ESPNL: variants seen among roughly 807,000 people sequenced by gnomAD.
The protein encoded by ESPNL is espin-like protein.
Under a neutral mutation model 46.8 loss-of-function variants are expected in ESPNL, and 49 were observed. That is an observed-to-expected ratio of 1.05 (90% CI 0.83 to 1.33). ESPNL has a LOEUF of 1.33. ESPNL is among the 40% of genes most tolerant of loss of function. ESPNL has a pLI of 0.00. For missense variants in ESPNL, 1,540 were observed against 1,436.6 expected (o/e 1.07, Z -1.16); for synonymous variants, 664 against 662.1 (o/e 1.00, Z -0.04).
chr2:238,116,751 C>T (rs775097910), intron 4 of ESPNL, 152 bp from the exon 5 acceptor site: 13 of 1,012,770 alleles, frequency 1.3e-5, no homozygotes, highest in Non-Finnish European at 1.9e-5. Context: ...AGGTCTCTGG[C>T]ACCCCACGGC....
At chr2:238,129,565 A>C (rs1361355325) in intron 8 of ESPNL, among the ~76,000 whole-genome samples, 1 of 152,204 alleles carries the variant, frequency 6.6e-6, no homozygotes, top group East Asian at 1.9e-4. Context: ...ATCTGAGCAG[A>C]GAAGGGCTGT....
chr2:238,112,417 G>A lies in ESPNL; in HGVS notation c.855+4444G>A, dbSNP rs1691732917. Among the ~76,000 whole-genome samples the A allele has an allele frequency of 4.0e-5, 6 of 151,660 alleles. No homozygotes were observed. In the South Asian group the frequency reaches 8.3e-4, roughly 21 times the overall value. On this transcript the variant is annotated intron_variant, in intron 4 of 8. Transcript: ENST00000343063. The stretch of plus-strand genomic sequence containing the variant: ...TGTGTTTCTTTTTTTGTCTCAATCA[G>A]CCTCACTAGATGTTAGTCAGTAGTT...
At chr2:238,123,620 C>T (rs1692035350) in intron 5 of ESPNL, among the ~76,000 whole-genome samples, 1 of 152,206 alleles carries the variant, frequency 6.6e-6, no homozygotes, top group Non-Finnish European at 1.5e-5. Flanking sequence ...CACCTGACAC[C>T]TCGGCCTTCA....
At chr2:238,112,333 T>C (rs1166235171) in intron 4 of ESPNL, among the ~76,000 whole-genome samples, 1 of 152,134 alleles carries the variant, frequency 6.6e-6, no homozygotes, top group African/African-American at 2.4e-5. Flanking sequence ...ATCCTCATGA[T>C]CCTTTATTGT....
At position 238,107,987 on chromosome 2, in the gene ESPNL, G is replaced by A; in HGVS notation, c.855+14G>A. 1 of 1,602,054 alleles carries A rather than the reference G, an allele frequency of 6.2e-7. No individual in the cohort carries two copies. Among genetic ancestry groups the A allele is most frequent in the South Asian group, 1.1e-5 (1 of 89,410 alleles). On this transcript the variant is annotated intron_variant, in intron 4 of 8. Coordinates refer to ENST00000343063, the MANE Select transcript of ESPNL (RefSeq NM_194312.4). ...GGGCAGATGGAGGTAAGGTGGGCGT[G>A]AGGGAGACAGGGTGAGCAGTCACAA...
At chr2:238,121,656 C>A (rs186797054) in intron 5 of ESPNL, among the ~76,000 whole-genome samples, 38 of 152,362 alleles carry the variant, frequency 2.5e-4, no homozygotes, top group Non-Finnish European at 4.7e-4. Context: ...CCTCTGCCTC[C>A]CAAAGTGCTG....
chr2:238,118,236 G>A (rs531182498), intron 5 of ESPNL, among the ~76,000 whole-genome samples: 63 of 140,568 alleles, frequency 4.5e-4, no homozygotes, highest in African/African-American at 1.6e-3. Flanking sequence ...ATGGAGGAGG[G>A]TGGATGGAGG....
Position 238,131,513 on chromosome 2 carries a change from C to G in ESPNL, c.2799C>G (p.Pro933=), listed in dbSNP as rs138171057. ...GCTTCTTTGGCTCCAGCCAGCGTCC[C>G]GCCTGGGATACGGAGCCTGGCCGCA... is the stretch of plus-strand genomic sequence containing the variant. The part of the protein sequence containing the change: ...KARFFGSSQR[P]AWDTEPGRKS... The change falls in exon 9 of 9, where the codon CCC becomes CCG. Residue 933 remains proline (P), a synonymous_variant. Coordinates refer to ENST00000343063, the MANE Select transcript of ESPNL (RefSeq NM_194312.4). 6.2e-7 allele frequency: 1 copy of G among 1,611,490 alleles called. No individual in the cohort carries two copies. Among genetic ancestry groups the G allele is most frequent in the Admixed American group, 1.7e-5 (1 of 59,912 alleles).
In ESPNL at chr2:238,100,522, C is replaced by CT. The variant is rs1559256344; in HGVS notation, c.104dup (p.Ala37GlyfsTer40). Reference sequence around the variant, plus strand: ...CCTGGGCCCGGGCATCACCGATGCTCTGGGGGCCGGCCTGGTTCACCACGC... The same window carrying CT: ...CCTGGGCCCGGGCATCACCGATGCTCTTGGGGGCCGGCCTGGTTCACCACGC... On this transcript the variant is annotated frameshift_variant, in exon 1 of 9. Transcript: ENST00000343063. LOFTEE classifies it high-confidence loss of function. The CT allele has an allele frequency of 6.3e-7, 1 of 1,596,486 alleles. No individual in the cohort carries two copies. The highest frequency in any genetic ancestry group is 2.3e-5 in the East Asian group (1 of 44,196).
intron 5 of ESPNL, among the ~76,000 whole-genome samples, chr2:238,118,790 AG>A (rs1691896200): frequency 2.4e-5 from 1 of 41,876 alleles, no homozygotes; most frequent in Admixed American, 2.1e-4. Flanking sequence ...GAGATGGAGG[AG>A]GGTGGATGGA....
In ESPNL at chr2:238,130,726, C is replaced by T. The variant is rs531038455; in HGVS notation, c.2012C>T (p.Pro671Leu). 3 of 1,565,928 alleles carry T rather than the reference C, an allele frequency of 1.9e-6. No individual in the cohort carries two copies. The African/African-American group carries it at 4.0e-5, about 21-fold the overall frequency. Residue 671 changes from proline to leucine, a missense_variant, in exon 9 of 9, where the codon CCT becomes CTT. Physicochemically the swap from Pro to Leu is moderately conservative, Grantham distance 98 (BLOSUM62 -3). Transcript: ENST00000343063. ...TCTGGCCCACTCTGTGGCTTCAACC[C>T]TGGCCCCTGCGAGCCGGGGGCCCAG... ...SASGPLCGFN[P>L]GPCEPGAQHR... is the part of the protein sequence containing the mutation.
chr2:238,104,436 AC>A (rs916946978), intron 2 of ESPNL, among the ~76,000 whole-genome samples: 7 of 152,218 alleles, frequency 4.6e-5, no homozygotes, highest in African/African-American at 1.4e-4. Flanking sequence ...TCAGACCTGG[AC>A]CCAGGAGTCC....
chr2:238,130,397 G>A lies in ESPNL; in HGVS notation c.1683G>A (p.Leu561=). ...ACTTCCTGCCCCGGGCGCCCGGACT[G>A]GAGGTTGAGGAGGCCTCAATCCCAG... ...NSHFLPRAPG[L]EVEEASIPAA... Residue 561 remains leucine, a synonymous_variant, in exon 9 of 9, where the codon CTG becomes CTA. Coordinates refer to ENST00000343063, the MANE Select transcript of ESPNL (RefSeq NM_194312.4). The A allele has an allele frequency of 1.2e-6, 2 of 1,610,732 alleles. No homozygotes were observed. The highest frequency in any genetic ancestry group is 1.3e-5 in the African/African-American group (1 of 75,030).
intron 5 of ESPNL, among the ~76,000 whole-genome samples, chr2:238,118,741 TTGCAGGAGGATGGA>T (rs1691891988): frequency 2.9e-4 from 16 of 54,314 alleles, no homozygotes; most frequent in South Asian, 6.9e-4. Flanking sequence ...AGGAGGGTGG[TTGCAGGAGGATGGA>T]TGGAGGAGGG....
Position 238,114,203 on chromosome 2 carries a change from C to T in ESPNL, c.856-2700C>T, listed in dbSNP as rs1013291183. Among the ~76,000 whole-genome samples the T allele has an allele frequency of 6.6e-6, 1 of 152,128 alleles. No homozygotes were observed. The highest frequency in any genetic ancestry group is 2.4e-5 in the African/African-American group (1 of 41,412). On this transcript the variant is annotated intron_variant, in intron 4 of 8. Transcript: ENST00000343063. This position sits in a 1 kb window ranked among gnomAD's most constrained non-coding sequence, Gnocchi z 5.0. Reference sequence around the variant, plus strand: ...TGACAATCCCAGCGGTGATGGGGTCCGTCACTCTGGGGGAGAGGTTCCCTT... The same window carrying T: ...TGACAATCCCAGCGGTGATGGGGTCTGTCACTCTGGGGGAGAGGTTCCCTT...
At position 238,131,925 on chromosome 2, in the gene ESPNL, C is replaced by T. The variant is rs1040082700; in HGVS notation, c.*193C>T. ...CCGAGCTGGGACTCAGACTCCTTCTCACCACTGCACCCAGGAAGCCCCTTG... is the reference window on the plus strand; with the variant it reads ...CCGAGCTGGGACTCAGACTCCTTCTTACCACTGCACCCAGGAAGCCCCTTG... On this transcript the variant is annotated 3_prime_UTR_variant, in exon 9 of 9. Transcript: ENST00000343063. The T allele has an allele frequency of 3.2e-6, 2 of 624,502 alleles. No individual in the cohort carries two copies. The highest frequency in any genetic ancestry group is 5.4e-6 in the Non-Finnish European group (2 of 371,944). 38.7% of individuals were successfully genotyped at this position (624,502 alleles called of 1,614,324 possible).
chr2:238,115,817 C>T lies in ESPNL; in HGVS notation c.856-1086C>T, dbSNP rs563545636. 8.5e-5 allele frequency among the ~76,000 whole-genome samples: 13 copies of T among 152,328 alleles called. No homozygotes were observed. In the South Asian group the frequency reaches 2.3e-3, roughly 27 times the overall value. Reference sequence around the variant, plus strand: ...CCTCCTAAGTAGCTGGGATTAGAGGCGCCCGCCACCACGCCTGGCTAATTT... The same window carrying T: ...CCTCCTAAGTAGCTGGGATTAGAGGTGCCCGCCACCACGCCTGGCTAATTT... On this transcript the variant is annotated intron_variant, in intron 4 of 8. Transcript: ENST00000343063.
rs868719918 is a variant in ESPNL at position 238,107,890 on chromosome 2, C to A, written c.772C>A (p.Leu258Ile). The A allele has an allele frequency of 6.2e-7, 1 of 1,612,518 alleles. No individual in the cohort carries two copies. The highest frequency in any genetic ancestry group is 8.5e-7 in the Non-Finnish European group (1 of 1,179,744). The change falls in exon 4 of 9, where the codon CTC becomes ATC. Residue 258 changes from leucine (L) to isoleucine (I), a missense_variant. Coordinates refer to ENST00000343063, the MANE Select transcript of ESPNL (RefSeq NM_194312.4). The part of the protein sequence containing the change: ...RGGHTPILDR[L>I]LLMGTPILRD... ...CGGCCACACGCCCATTCTAGACCGACTCCTGCTCATGGGTACCCCCATCCT... is the reference window on the plus strand; with the variant it reads ...CGGCCACACGCCCATTCTAGACCGAATCCTGCTCATGGGTACCCCCATCCT...
chr2:238,121,657 C>G (rs1691989854), intron 5 of ESPNL, among the ~76,000 whole-genome samples: 1 of 152,264 alleles, frequency 6.6e-6, no homozygotes, highest in Admixed American at 6.5e-5. Context: ...CTCTGCCTCC[C>G]AAAGTGCTGG....
Sources: gnomAD v4.1 joint callset for allele counts (sites outside exome capture counted in the v4.1 genomes callset) on GRCh38, gnomAD v4.1.1 for gene constraint, Gnocchi (gnomAD v3.1) non-coding constraint, MANE v1.5 for transcripts, NCBI Gene and HGNC (gene_info 2026-07-23, HGNC 2026-07-21) for gene names.